Variants in BMPR1A observed in about 807,000 individuals in gnomAD.
BMPR1A encodes the protein bone morphogenetic protein receptor type-1A.
BMPR1A carries 7 observed loss-of-function variants against 66.0 expected under a neutral mutation model. The observed-to-expected ratio is 0.11, with a 90% CI of 0.06 to 0.20. The LOEUF (loss-of-function observed/expected upper bound fraction) is 0.20. Ranked by LOEUF, BMPR1A falls within the 10% of genes least tolerant of loss-of-function variation. The pLI, the probability that BMPR1A is intolerant of heterozygous loss-of-function variation, is 1.00. For missense variants in BMPR1A, 408 were observed against 669.1 expected (o/e 0.61, Z 4.31); for synonymous variants, 200 against 229.7 (o/e 0.87, Z 1.17).
intron 7 of BMPR1A, among the ~76,000 whole-genome samples, chr10:86,901,381 T>C (rs1843308219): frequency 6.6e-6 from 1 of 152,218 alleles, no homozygotes. Context: ...TCCGACTTTC[T>C]GAAAATTGAC....
At chr10:86,800,265 C>G (rs1287197286) in intron 1 of BMPR1A, among the ~76,000 whole-genome samples, 2 of 152,162 alleles carry the variant, frequency 1.3e-5, no homozygotes, top group Non-Finnish European at 2.9e-5. Context: ...GTTCTCCCTG[C>G]CATCTGCCCG....
chr10:86,783,562 C>T (rs541980383), intron 1 of BMPR1A, among the ~76,000 whole-genome samples: 3 of 152,054 alleles, frequency 2.0e-5, no homozygotes, highest in African/African-American at 4.8e-5. Flanking sequence ...GCCTCCTTGA[C>T]GTTTATTTTT....
At chr10:86,785,451 A>C (rs1477213882) in intron 1 of BMPR1A, among the ~76,000 whole-genome samples, 1 of 152,138 alleles carries the variant, frequency 6.6e-6, no homozygotes, top group East Asian at 1.9e-4. Context: ...GATTATAGGC[A>C]TGTGCCACCA....
intron 1 of BMPR1A, among the ~76,000 whole-genome samples, chr10:86,804,740 G>A (rs1299042464): frequency 7.1e-6 from 1 of 140,896 alleles, no homozygotes; most frequent in African/African-American, 2.7e-5. Context: ...GGTCAAGTAT[G>A]TCTCATGTCT....
At chr10:86,796,024 T>C (rs1244668381) in intron 1 of BMPR1A, among the ~76,000 whole-genome samples, 2 of 152,194 alleles carry the variant, frequency 1.3e-5, no homozygotes, top group East Asian at 3.8e-4. Context: ...CCAAAGCAGT[T>C]ACAATATTTC....
intron 3 of BMPR1A, among the ~76,000 whole-genome samples, chr10:86,887,395 T>C (rs1436957659): frequency 2.0e-5 from 3 of 152,238 alleles, no homozygotes; most frequent in Non-Finnish European, 4.4e-5. Context: ...AAGTTTCATA[T>C]AACTTTGAGT....
chr10:86,884,258 A>T (rs1843034565), intron 3 of BMPR1A, among the ~76,000 whole-genome samples: 1 of 151,536 alleles, frequency 6.6e-6, no homozygotes, highest in Non-Finnish European at 1.5e-5. Flanking sequence ...CTAATTTTTT[A>T]AATTTTTTGT....
At chr10:86,901,108 G>A (rs891141209) in intron 7 of BMPR1A, among the ~76,000 whole-genome samples, 1 of 152,248 alleles carries the variant, frequency 6.6e-6, no homozygotes, top group Admixed American at 6.5e-5. Context: ...AACTCTGAGA[G>A]AGGCCCACAC....
intron 5 of BMPR1A, among the ~76,000 whole-genome samples, chr10:86,893,041 A>T (rs1437736231): frequency 6.6e-6 from 1 of 152,150 alleles, no homozygotes; most frequent in Non-Finnish European, 1.5e-5. Context: ...TTTAAGTTCC[A>T]GGTTATTTTA....
chr10:86,840,725 T>C (rs12269620), intron 2 of BMPR1A, among the ~76,000 whole-genome samples: 3,023 of 152,278 alleles, frequency 0.02, 99 homozygotes, highest in African/African-American at 0.069. Context: ...GCACCCGCTA[T>C]TTCTCCTTCT....
intron 2 of BMPR1A, among the ~76,000 whole-genome samples, chr10:86,860,874 C>T (rs1244804151): frequency 6.8e-6 from 1 of 146,686 alleles, no homozygotes; most frequent in East Asian, 2.0e-4. Flanking sequence ...CGGAGTCTCG[C>T]TCTGCCGCCC....
chr10:86,830,896 T>G (rs920912882), intron 1 of BMPR1A, among the ~76,000 whole-genome samples: 5 of 152,050 alleles, frequency 3.3e-5, no homozygotes, highest in Admixed American at 1.3e-4. Flanking sequence ...CCATTCCCCA[T>G]TCCCCACTCT....
At chr10:86,800,046 T>G (rs1564689026) in intron 1 of BMPR1A, among the ~76,000 whole-genome samples, 1 of 152,170 alleles carries the variant, frequency 6.6e-6, no homozygotes, top group Non-Finnish European at 1.5e-5. Context: ...AACATACAGG[T>G]TGCAAACTAG....
intron 2 of BMPR1A, chr10:86,843,553 A>T (rs1368330678): frequency 1.3e-5 from 2 of 152,250 alleles, no homozygotes; most frequent in Non-Finnish European, 2.9e-5. Flanking sequence ...CAACATTGCC[A>T]TGCAAAAGTG....
chr10:86,798,428 C>T (rs1334436860), intron 1 of BMPR1A, among the ~76,000 whole-genome samples: 1 of 152,148 alleles, frequency 6.6e-6, no homozygotes, highest in Admixed American at 6.5e-5. Flanking sequence ...GCTTTAATTA[C>T]TTAAATGTTC....
chr10:86,845,552 T>A (rs1317690711), intron 2 of BMPR1A, among the ~76,000 whole-genome samples: 1 of 152,170 alleles, frequency 6.6e-6, no homozygotes, highest in Non-Finnish European at 1.5e-5. Context: ...CACATAGACC[T>A]GCCCACCAGA....
chr10:86,793,240 A>G (rs1051792161), intron 1 of BMPR1A, among the ~76,000 whole-genome samples: 2 of 152,108 alleles, frequency 1.3e-5, no homozygotes, highest in Non-Finnish European at 1.5e-5. Flanking sequence ...ATTAAAAAGT[A>G]TAGCATTGGG....
chr10:86,780,946 G>T (rs1290196575), intron 1 of BMPR1A, among the ~76,000 whole-genome samples: 4 of 151,892 alleles, frequency 2.6e-5, no homozygotes. Flanking sequence ...AGCTACTTGG[G>T]CTCAAGCAAT....
intron 2 of BMPR1A, among the ~76,000 whole-genome samples, chr10:86,852,881 A>C (rs1193435542): frequency 6.6e-6 from 1 of 152,214 alleles, no homozygotes; most frequent in African/African-American, 2.4e-5. Flanking sequence ...AGAGAAACTT[A>C]TCCAAGCCTC....
Sources: allele counts gnomAD v4.1 joint callset (sites outside exome capture counted in the v4.1 genomes callset), GRCh38; gene constraint gnomAD v4.1.1; transcripts MANE v1.5; gene names NCBI Gene and HGNC (gene_info 2026-07-23, HGNC 2026-07-21).